TLL2: variants seen among roughly 807,000 people sequenced by gnomAD.
TLL2 encodes the protein tolloid-like protein 2.
Under a neutral mutation model 123.0 loss-of-function variants are expected in TLL2, and 106 were observed. That is an observed-to-expected ratio of 0.86 (90% confidence interval 0.74 to 1.01). TLL2 has a LOEUF of 1.01. TLL2 is among the 50% of genes least tolerant of loss of function. The probability of loss-of-function intolerance (pLI) is 0.00; values close to 1 mark genes in which losing one functional copy is unlikely to be tolerated. For missense variants in TLL2, 1,332 were observed against 1,336.7 expected (o/e 1.00, Z 0.06); for synonymous variants, 494 against 516.8 (o/e 0.96, Z 0.60).
At chr10:96,405,965 G>A (rs1033529874) in intron 9 of TLL2, among the ~76,000 whole-genome samples, 4 of 152,204 alleles carry the variant, frequency 2.6e-5, no homozygotes, top group African/African-American at 7.2e-5. Context: ...GAGAAGGGGG[G>A]AAAGGCAGAT....
chr10:96,367,473 C>T lies in TLL2; in HGVS notation c.*615G>A, dbSNP rs1846039934. The T allele has an allele frequency of 6.6e-6, 1 of 152,390 alleles. No homozygotes were observed. The highest frequency in any genetic ancestry group is 1.5e-5 in the Non-Finnish European group (1 of 68,230). The allele number at this position is 152,390 out of a possible 1,614,324, so 9.4% of individuals were successfully genotyped here. A position where few individuals can be genotyped will look rare whatever the true frequency, so the allele number is the denominator to read the frequency against. On this transcript the variant is annotated 3_prime_UTR_variant, in exon 21 of 21. Transcript: ENST00000357947. The stretch of plus-strand genomic sequence containing the variant: ...GAGAGTGAATGACTCTGAGAAATGG[C>T]TTTGTGGTCTCCTAACTTCATGACA...
chr10:96,399,283 T>A (rs1456544581), intron 10 of TLL2, among the ~76,000 whole-genome samples: 1 of 152,206 alleles, frequency 6.6e-6, no homozygotes, highest in Non-Finnish European at 1.5e-5. Flanking sequence ...TATATCTGAA[T>A]ATTTTTTTAA....
chr10:96,386,975 G>A lies in TLL2; in HGVS notation c.1830C>T (p.Ala610=), dbSNP rs532719626. The A allele has an allele frequency of 4.0e-5, 65 of 1,614,028 alleles. No homozygotes were observed. In the East Asian group the frequency reaches 1.2e-3, roughly 30 times the overall value. ...KCACDPGYEL[A]ADKKMCEVAC... ...AACCTTCACACATCTTCTTATCGGC[G>A]GCCAGCTCGTAGCCAGGGTCACAGG... Residue 610 remains alanine, a synonymous_variant, in exon 14 of 21, where the codon GCC becomes GCT. Transcript: ENST00000357947.
At chr10:96,403,300 T>C (rs949497040) in intron 10 of TLL2, among the ~76,000 whole-genome samples, 2 of 152,208 alleles carry the variant, frequency 1.3e-5, no homozygotes, top group African/African-American at 4.8e-5. Flanking sequence ...AGACTGTTAC[T>C]GTGTCTATGT....
chr10:96,371,336 G>T (rs2134050033), intron 19 of TLL2, among the ~76,000 whole-genome samples: 2 of 146,356 alleles, frequency 1.4e-5, no homozygotes, highest in East Asian at 4.0e-4. Flanking sequence ...AAAAAAAAAA[G>T]TAAATAAATA....
At chr10:96,502,569 C>T (rs1052394191) in intron 1 of TLL2, among the ~76,000 whole-genome samples, 17 of 152,238 alleles carry the variant, frequency 1.1e-4, no homozygotes, top group Middle Eastern at 3.4e-3. Flanking sequence ...AACTGGGTTT[C>T]TGGTTTAGGG....
chr10:96,385,495 A>C (rs1367760057), intron 15 of TLL2, among the ~76,000 whole-genome samples: 1 of 152,146 alleles, frequency 6.6e-6, no homozygotes, highest in East Asian at 1.9e-4. Flanking sequence ...CACCAGTACT[A>C]TTCTCAAGGT....
At chr10:96,511,658 G>A (rs1358441321) in intron 1 of TLL2, among the ~76,000 whole-genome samples, 1 of 152,254 alleles carries the variant, frequency 6.6e-6, no homozygotes, top group Non-Finnish European at 1.5e-5. Flanking sequence ...TATCCTCCAA[G>A]GCTGAGACGG....
At chr10:96,405,168 C>T (rs1287611177) in intron 10 of TLL2, 64 bp downstream of exon 10, 1 of 1,484,532 alleles carries the variant, frequency 6.7e-7, no homozygotes, top group African/African-American at 1.4e-5. Flanking sequence ...ACCTTCCAGA[C>T]ATTAACAGCA....
chr10:96,481,708 A>G (rs1847313536), intron 1 of TLL2, among the ~76,000 whole-genome samples: 1 of 152,202 alleles, frequency 6.6e-6, no homozygotes, highest in Non-Finnish European at 1.5e-5. Flanking sequence ...AAGAATGCTG[A>G]TAGCATGCCT....
At chr10:96,488,386 TG>T (rs974052457) in intron 1 of TLL2, among the ~76,000 whole-genome samples, 2 of 152,168 alleles carry the variant, frequency 1.3e-5, no homozygotes, top group African/African-American at 4.8e-5. Context: ...GAAGCCCCCA[TG>T]GTGTGGGACT....
At chr10:96,415,425 C>T (rs986621722) in intron 7 of TLL2, among the ~76,000 whole-genome samples, 3 of 152,032 alleles carry the variant, frequency 2.0e-5, no homozygotes, top group Non-Finnish European at 4.4e-5. Context: ...TTATCATTCC[C>T]TGCTCTGGGT....
intron 1 of TLL2, among the ~76,000 whole-genome samples, chr10:96,501,637 C>T (rs1044431569): frequency 6.6e-6 from 1 of 152,348 alleles, no homozygotes; most frequent in Non-Finnish European, 1.5e-5. Context: ...TCTCCAACTC[C>T]AGACACATCA....
chr10:96,378,544 G>C (rs1368078246), intron 17 of TLL2, among the ~76,000 whole-genome samples: 1 of 152,240 alleles, frequency 6.6e-6, no homozygotes, highest in Non-Finnish European at 1.5e-5. Flanking sequence ...ACATGTGTCA[G>C]AGAGTCTGAA....
At chr10:96,493,348 T>A (rs1847435154) in intron 1 of TLL2, among the ~76,000 whole-genome samples, 2 of 152,026 alleles carry the variant, frequency 1.3e-5, no homozygotes, top group South Asian at 2.1e-4. Flanking sequence ...ACAAAGGGGA[T>A]GAGTGGGAGG....
At chr10:96,385,431 A>G (rs1378951618) in intron 15 of TLL2, among the ~76,000 whole-genome samples, 1 of 152,208 alleles carries the variant, frequency 6.6e-6, no homozygotes, top group African/African-American at 2.4e-5. Context: ...CATTGGGGTC[A>G]TCAGCATTGA....
chr10:96,507,815 C>G (rs4146725), intron 1 of TLL2, among the ~76,000 whole-genome samples: 148,892 of 152,318 alleles, frequency 0.98, 72,855 homozygotes, highest in Middle Eastern at 1. Flanking sequence ...CCATTGCATG[C>G]TGGTGTGTGA....
At chr10:96,500,115 A>AC (rs201880422) in intron 1 of TLL2, among the ~76,000 whole-genome samples, 12,815 of 141,440 alleles carry the variant, frequency 0.091, 614 homozygotes, top group Non-Finnish European at 0.1. Context: ...AAAAAAAAAA[A>AC]AAAAAGAAAA....
In TLL2 at chr10:96,429,363, C is replaced by CAAA. The variant is rs35968467; in HGVS notation, c.521-618_521-616dup. On this transcript the variant is annotated intron_variant, in intron 4 of 20. Transcript: ENST00000357947. Reference sequence around the variant, plus strand: ...TTTTTATTTGTCAATTAAATATTTTCAAAAAAAAAAAAAGCTTGTTCAGAA... The same window carrying CAAA: ...TTTTTATTTGTCAATTAAATATTTTCAAAAAAAAAAAAAAAAGCTTGTTCAGAA... Among the ~76,000 whole-genome samples the CAAA allele has an allele frequency of 7.7e-5, 11 of 142,236 alleles. No individual in the cohort carries two copies. The East Asian group carries it at 1.2e-3, about 16-fold the overall frequency. The allele number at this position is 142,236 out of a possible 152,430, so 93.3% of individuals were successfully genotyped here.
Sources: gnomAD v4.1 joint callset for allele counts (sites outside exome capture counted in the v4.1 genomes callset) on GRCh38, gnomAD v4.1.1 for gene constraint, MANE v1.5 for transcripts, NCBI Gene and HGNC (gene_info 2026-07-23, HGNC 2026-07-21) for gene names.